Variants in IGF1R observed in about 807,000 individuals in gnomAD.
IGF1R encodes insulin like growth factor 1 receptor, also known as insulin-like growth factor 1 receptor.
A neutral mutation model predicts 144.6 loss-of-function variants in IGF1R; 44 were observed. The observed-to-expected ratio is 0.30, with a 90% CI of 0.24 to 0.39. The LOEUF (loss-of-function observed/expected upper bound fraction) is 0.39, where lower values mean the gene tolerates loss of function less well. Ranked by LOEUF, IGF1R falls within the 10% of genes least tolerant of loss-of-function variation. IGF1R has a pLI of 1.00. For synonymous variants in IGF1R, 795 were observed against 722.8 expected (o/e 1.10, Z -1.60); for missense variants, 1,355 against 1,833.7 (o/e 0.74, Z 4.77).
intron 2 of IGF1R, among the ~76,000 whole-genome samples, chr15:98,842,237 T>C (rs1567156546): frequency 6.6e-6 from 1 of 152,202 alleles, no homozygotes; most frequent in African/African-American, 2.4e-5. Flanking sequence ...CTTGTATACG[T>C]TCATTTTTTG....
At chr15:98,730,577 G>T (rs2054475330) in intron 2 of IGF1R, among the ~76,000 whole-genome samples, 1 of 152,188 alleles carries the variant, frequency 6.6e-6, no homozygotes, top group African/African-American at 2.4e-5. Context: ...CTGTTTTCCT[G>T]TGAAAATGAG....
chr15:98,781,299 A>G (rs1348931324), intron 2 of IGF1R, among the ~76,000 whole-genome samples: 5 of 152,222 alleles, frequency 3.3e-5, no homozygotes, highest in Non-Finnish European at 7.3e-5. Flanking sequence ...TGAAGCTTTA[A>G]TAGTGAGGCA....
intron 2 of IGF1R, among the ~76,000 whole-genome samples, chr15:98,858,813 T>C (rs2011979381): frequency 6.6e-6 from 1 of 152,238 alleles, no homozygotes; most frequent in Admixed American, 6.5e-5. Flanking sequence ...GCTTTTATTT[T>C]TGAACAGCCA....
At chr15:98,850,623 A>C (rs1000022035) in intron 2 of IGF1R, among the ~76,000 whole-genome samples, 1 of 152,220 alleles carries the variant, frequency 6.6e-6, no homozygotes, top group Non-Finnish European at 1.5e-5. Context: ...TTTTAGACAG[A>C]ATAGGAATTT....
chr15:98,815,626 T>A (rs1243208765), intron 2 of IGF1R, among the ~76,000 whole-genome samples: 1 of 152,212 alleles, frequency 6.6e-6, no homozygotes, highest in African/African-American at 2.4e-5. Flanking sequence ...GGCTTACCTC[T>A]TGTCCCATTC....
chr15:98,718,255 C>G (rs1247365655), intron 2 of IGF1R, among the ~76,000 whole-genome samples: 1 of 152,196 alleles, frequency 6.6e-6, no homozygotes, highest in African/African-American at 2.4e-5. Flanking sequence ...CCAGTCCTCT[C>G]TTCTTTCTTC....
intron 1 of IGF1R, among the ~76,000 whole-genome samples, chr15:98,680,426 C>G: frequency 6.6e-6 from 1 of 152,066 alleles, no homozygotes; most frequent in East Asian, 1.9e-4. Flanking sequence ...GCCACCACGC[C>G]TGGCTAATTT....
intron 2 of IGF1R, among the ~76,000 whole-genome samples, chr15:98,770,130 T>C (rs1191138680): frequency 6.6e-6 from 1 of 152,248 alleles, no homozygotes; most frequent in Non-Finnish European, 1.5e-5. Context: ...TGGGATTCTT[T>C]CCAGTGTGGA....
At chr15:98,883,942 G>GGCCC (rs1408561349) in intron 2 of IGF1R, among the ~76,000 whole-genome samples, 1 of 152,136 alleles carries the variant, frequency 6.6e-6, no homozygotes, top group Non-Finnish European at 1.5e-5. Flanking sequence ...TTTGCCTTTA[G>GGCCC]GCCCTTGGTA....
At chr15:98,742,124 T>C (rs1413927339) in intron 2 of IGF1R, among the ~76,000 whole-genome samples, 1 of 152,224 alleles carries the variant, frequency 6.6e-6, no homozygotes, top group Non-Finnish European at 1.5e-5. Context: ...TGTTCTGAAA[T>C]GGTTCACCTG....
At chr15:98,856,240 G>GT (rs2011810265) in intron 2 of IGF1R, among the ~76,000 whole-genome samples, 1 of 152,242 alleles carries the variant, frequency 6.6e-6, no homozygotes, top group Non-Finnish European at 1.5e-5. Flanking sequence ...GCAGGTCCTT[G>GT]TAGACGAGGA....
intron 2 of IGF1R, among the ~76,000 whole-genome samples, chr15:98,879,104 C>T (rs1422946899): frequency 1.3e-5 from 2 of 152,148 alleles, no homozygotes; most frequent in African/African-American, 2.4e-5. Context: ...GAAGCAGGGC[C>T]GGTCCAGCCT....
intron 2 of IGF1R, among the ~76,000 whole-genome samples, chr15:98,875,221 AAAAAAATG>A (rs760563810): frequency 2.0e-5 from 3 of 152,200 alleles, no homozygotes; most frequent in Non-Finnish European, 4.4e-5. Flanking sequence ...AAGGCCAAAA[AAAAAAATG>A]AAACATTTTC....
chr15:98,901,488 C>T (rs888104465), intron 5 of IGF1R, among the ~76,000 whole-genome samples: 23 of 152,206 alleles, frequency 1.5e-4, no homozygotes, highest in African/African-American at 5.5e-4. Flanking sequence ...CTGTTTGCTT[C>T]AGGTGTTGAG....
chr15:98,795,277 T>G (rs1225758125), intron 2 of IGF1R, among the ~76,000 whole-genome samples: 1 of 152,272 alleles, frequency 6.6e-6, no homozygotes, highest in East Asian at 1.9e-4. Context: ...AATTTGACTT[T>G]GCCGTCTAGA....
intron 2 of IGF1R, among the ~76,000 whole-genome samples, chr15:98,827,315 T>C (rs1341094254): frequency 6.6e-6 from 1 of 152,236 alleles, no homozygotes. Context: ...CTATGCCCTG[T>C]AACCTCGTTC....
At chr15:98,718,008 C>G (rs2054161690) in intron 2 of IGF1R, among the ~76,000 whole-genome samples, 1 of 152,146 alleles carries the variant, frequency 6.6e-6, no homozygotes, top group Non-Finnish European at 1.5e-5. Flanking sequence ...TTTATTCTCC[C>G]ACCCAGCCTC....
chr15:98,823,590 G>A (rs758813711), intron 2 of IGF1R, among the ~76,000 whole-genome samples: 1 of 152,210 alleles, frequency 6.6e-6, no homozygotes, highest in Non-Finnish European at 1.5e-5. Context: ...TTTTAAGTGA[G>A]AAGTGGGGAT....
intron 2 of IGF1R, among the ~76,000 whole-genome samples, chr15:98,714,423 C>T (rs1261506012): frequency 1.3e-5 from 2 of 152,148 alleles, no homozygotes; most frequent in Admixed American, 6.5e-5. Context: ...GCAGGAGGAT[C>T]GCTTGAGTCC....
Sources: gnomAD v4.1 joint callset for allele counts (sites outside exome capture counted in the v4.1 genomes callset) on GRCh38, gnomAD v4.1.1 for gene constraint, MANE v1.5 for transcripts, NCBI Gene and HGNC (gene_info 2026-07-23, HGNC 2026-07-21) for gene names.